Variants in TTC21B observed in about 807,000 individuals in gnomAD.
TTC21B encodes tetratricopeptide repeat domain 21B.
TTC21B carries 127 observed loss-of-function variants against 175.1 expected under a neutral mutation model. The observed-to-expected ratio is 0.73, with a 90% CI of 0.63 to 0.84. The LOEUF is 0.84. TTC21B is among the 40% of genes least tolerant of loss of function. The probability of loss-of-function intolerance (pLI) is 0.00; values close to 1 mark genes in which losing one functional copy is unlikely to be tolerated. For synonymous variants in TTC21B, 524 were observed against 524.5 expected, an observed-to-expected ratio of 1.00 and a Z score of 0.01; for missense variants, 1,561 against 1,558.3, an observed-to-expected ratio of 1.00 and a Z score of -0.03.
Position 165,873,952 on chromosome 2 carries a change from T to C in TTC21B, c.*803A>G, listed in dbSNP as rs1414648892. On this transcript the variant is annotated 3_prime_UTR_variant, in exon 29 of 29. Transcript: ENST00000243344. ...CCAAGAGGAATATAAATCATCTATT[T>C]ATAAAACCTTTATTAAAATATATAT... The C allele has an allele frequency of 6.6e-6, 1 of 152,026 alleles. No homozygotes were observed. Among genetic ancestry groups the C allele is most frequent in the Non-Finnish European group, 1.5e-5 (1 of 68,000 alleles). The allele number at this position is 152,026 out of a possible 1,614,324, so 9.4% of individuals were successfully genotyped here.
At chr2:165,895,733 C>A (rs984219862) in intron 22 of TTC21B, among the ~76,000 whole-genome samples, 6 of 151,904 alleles carry the variant, frequency 3.9e-5, no homozygotes, top group Admixed American at 1.3e-4. Context: ...ATATTTTGGA[C>A]CCAGAGTGAG....
chr2:165,938,049 A>T (rs1451198813), intron 6 of TTC21B, among the ~76,000 whole-genome samples: 2 of 152,108 alleles, frequency 1.3e-5, no homozygotes, highest in Non-Finnish European at 2.9e-5. Context: ...GGACTTAAGA[A>T]CAACTTGAAG....
intron 19 of TTC21B, among the ~76,000 whole-genome samples, chr2:165,906,974 A>AG (rs1226629439): frequency 1.4e-3 from 212 of 146,858 alleles, no homozygotes; most frequent in African/African-American, 4.3e-3. Flanking sequence ...AAAAAAAAAA[A>AG]AAAGAAAAAA....
chr2:165,937,140 T>C (rs1255569656), intron 6 of TTC21B, among the ~76,000 whole-genome samples: 1 of 151,960 alleles, frequency 6.6e-6, no homozygotes, highest in East Asian at 1.9e-4. Context: ...TGAAAAGACA[T>C]GGAAGAAAGT....
intron 18 of TTC21B, 71 bp from the exon 19 acceptor site, chr2:165,907,855 T>G (rs1574089747): frequency 9.3e-7 from 1 of 1,074,850 alleles, no homozygotes; most frequent in East Asian, 2.6e-5. Context: ...TCCAGAATTT[T>G]TAAAACTGGT....
intron 6 of TTC21B, among the ~76,000 whole-genome samples, chr2:165,938,123 A>G (rs201030115): frequency 6.2e-5 from 1 of 16,228 alleles, no homozygotes; most frequent in East Asian, 5.0e-3. Flanking sequence ...AGAAGCACTC[A>G]TCTAAATCCA....
At chr2:165,928,401 C>T (rs1304345717) in intron 11 of TTC21B, among the ~76,000 whole-genome samples, 2 of 152,096 alleles carry the variant, frequency 1.3e-5, no homozygotes, top group East Asian at 3.8e-4. Context: ...GTTGGATGGA[C>T]TTCCAGAATA....
chr2:165,925,678 A>G (rs1686600197), intron 11 of TTC21B, among the ~76,000 whole-genome samples: 1 of 152,218 alleles, frequency 6.6e-6, no homozygotes, highest in Admixed American at 6.5e-5. Context: ...TCTTTATCAT[A>G]TATAATCTAT....
intron 22 of TTC21B, among the ~76,000 whole-genome samples, chr2:165,897,226 A>G (rs1008089920): frequency 1.3e-5 from 2 of 152,324 alleles, no homozygotes; most frequent in African/African-American, 2.4e-5. Flanking sequence ...AAGTATTTCT[A>G]AATTCTTCAT....
intron 12 of TTC21B, 54 bp downstream of exon 12, chr2:165,924,495 T>A: frequency 1.3e-6 from 2 of 1,560,144 alleles, no homozygotes; most frequent in African/African-American, 2.7e-5. Context: ...TATTTACGCT[T>A]GTTTTTATCA....
In TTC21B at chr2:165,913,460, G is replaced by A; in HGVS notation, c.2211+114C>T. On this transcript the variant is annotated intron_variant, in intron 16 of 28. Coordinates refer to ENST00000243344, the MANE Select transcript of TTC21B (RefSeq NM_024753.5). ...ATGGATATCTCCCTTTTACTGTGAT[G>A]GCTGGATCTTCAAATATTAAACATT... 4 of 716,138 alleles carry A rather than the reference G, an allele frequency of 5.6e-6. No homozygotes were observed. The Admixed American group carries it at 7.3e-5, about 13-fold the overall frequency. The allele number at this position is 716,138 out of a possible 1,614,324, so 44.4% of individuals were successfully genotyped here.
At chr2:165,932,773 A>C (rs552359865) in intron 7 of TTC21B, among the ~76,000 whole-genome samples, 200 bp downstream of exon 7, 1 of 152,048 alleles carries the variant, frequency 6.6e-6, no homozygotes, top group Non-Finnish European at 1.5e-5. Flanking sequence ...ACTGTATAGT[A>C]TTTTTGCTTT....
In TTC21B at chr2:165,914,227, G is replaced by C. The variant is rs16851288; in HGVS notation, c.2139-581C>G. Among the ~76,000 whole-genome samples, 1,338 of 152,190 alleles carry C rather than the reference G, an allele frequency of 8.8e-3. 21 individuals are homozygous for C. The highest frequency in any genetic ancestry group is 0.031 in the African/African-American group (1,273 of 41,514). ...TCATCTAACTGGTCCAAAAACTCTTGAGAATTATTATCCCAGTTTTACAGA... is the reference window on the plus strand; with the variant it reads ...TCATCTAACTGGTCCAAAAACTCTTCAGAATTATTATCCCAGTTTTACAGA... On this transcript the variant is annotated intron_variant, in intron 15 of 28. Coordinates refer to ENST00000243344, the MANE Select transcript of TTC21B (RefSeq NM_024753.5).
chr2:165,930,108 G>A, intron 9 of TTC21B, 64 bp downstream of exon 9: 1 of 1,473,704 alleles, frequency 6.8e-7, no homozygotes, highest in Non-Finnish European at 9.5e-7. Context: ...TTCTCTAATG[G>A]CAAGTTAAAA....
intron 27 of TTC21B, among the ~76,000 whole-genome samples, chr2:165,877,863 T>C (rs1421626270): frequency 2.0e-5 from 3 of 152,194 alleles, no homozygotes; most frequent in Non-Finnish European, 4.4e-5. Flanking sequence ...GTAAACTTAA[T>C]GTCATTACCA....
intron 20 of TTC21B, among the ~76,000 whole-genome samples, 199 bp downstream of exon 20, chr2:165,901,523 A>G (rs1446895571): frequency 1.3e-5 from 2 of 151,954 alleles, no homozygotes; most frequent in Non-Finnish European, 2.9e-5. Context: ...AGGTTTCCCC[A>G]TGTTGGTCAG....
chr2:165,939,886 C>T (rs1411059951), intron 6 of TTC21B, among the ~76,000 whole-genome samples: 1 of 152,170 alleles, frequency 6.6e-6, no homozygotes, highest in African/African-American at 2.4e-5. Flanking sequence ...TGAATCCTGA[C>T]TCCACCACTA....
chr2:165,883,443 T>C (rs1684899549), intron 26 of TTC21B, among the ~76,000 whole-genome samples: 1 of 152,214 alleles, frequency 6.6e-6, no homozygotes, highest in African/African-American at 2.4e-5. Flanking sequence ...TATTTCTTAA[T>C]GGGAGGGACA....
In TTC21B at chr2:165,912,094, A is replaced by G. The variant is rs574982999; in HGVS notation, c.2322+420T>C. 2.6e-4 allele frequency among the ~76,000 whole-genome samples: 39 copies of G among 152,342 alleles called. No individual in the cohort carries two copies. In the South Asian group the frequency reaches 7.7e-3, roughly 30 times the overall value. On this transcript the variant is annotated intron_variant, in intron 17 of 28. Coordinates refer to ENST00000243344, the MANE Select transcript of TTC21B (RefSeq NM_024753.5). The stretch of plus-strand genomic sequence containing the variant: ...TTGCTAGCTGTTGTACATATGGTCA[A>G]CAATTACCAGGAATAGGGCAAGAAT...
Sources: gnomAD v4.1 joint callset for allele counts (sites outside exome capture counted in the v4.1 genomes callset) on GRCh38, gnomAD v4.1.1 for gene constraint, MANE v1.5 for transcripts, NCBI Gene and HGNC (gene_info 2026-07-23, HGNC 2026-07-21) for gene names.